MAML3: variants seen among roughly 807,000 people sequenced by gnomAD.
MAML3 encodes mastermind-like protein 3.
In MAML3, 27 loss-of-function variants were observed where a neutral mutation model predicts 101.9. The observed-to-expected ratio is 0.27, with a 90% CI of 0.20 to 0.37. The LOEUF is 0.37. Ranked by LOEUF, MAML3 falls within the 10% of genes least tolerant of loss-of-function variation. The pLI is 1.00. For synonymous variants in MAML3, 501 were observed against 555.9 expected, an observed-to-expected ratio of 0.90 and a Z score of 1.39; for missense variants, 1,316 against 1,444.9, an observed-to-expected ratio of 0.91 and a Z score of 1.45.
At position 139,889,483 on chromosome 4, in the gene MAML3, C is replaced by T. The variant is rs11100342; in HGVS notation, c.1953G>A (p.Pro651=). Residue 651 remains proline (P), a synonymous_variant, in exon 2 of 5, where the codon CCG becomes CCA. Transcript: ENST00000509479. ...TGGGGGCCTGGAGCTGTGGAGGTGG[C>T]GGCTGCTGCTGCTGCTGCTGCTGCT... is the stretch of plus-strand genomic sequence containing the variant. The part of the protein sequence containing the change: ...QQQQQQQQQQ[P]PPPQLQAPRA... The T allele has an allele frequency of 0.68, 1,089,584 of 1,612,608 alleles. 379,710 individuals carry two copies. Among genetic ancestry groups the T allele is most frequent in the Non-Finnish European group, 0.72 (843,896 of 1,178,962 alleles).
chr4:139,921,259 C>G (rs769650), intron 1 of MAML3, among the ~76,000 whole-genome samples: 98 of 152,290 alleles, frequency 6.4e-4, no homozygotes, highest in African/African-American at 2.2e-3. Flanking sequence ...TTAACTTCCA[C>G]GATTTTCCTT....
At chr4:139,955,638 C>A (rs1299615614) in intron 1 of MAML3, among the ~76,000 whole-genome samples, 1 of 152,168 alleles carries the variant, frequency 6.6e-6, no homozygotes, top group Non-Finnish European at 1.5e-5. Flanking sequence ...GGGTCCCATG[C>A]ATTACACAGT....
intron 2 of MAML3, among the ~76,000 whole-genome samples, chr4:139,842,271 G>A (rs1731375898): frequency 6.6e-6 from 1 of 152,210 alleles, no homozygotes; most frequent in Admixed American, 6.5e-5. Context: ...GAGTTTAAAA[G>A]GGAAGGTTGT....
chr4:140,008,842 G>A (rs542130963), intron 1 of MAML3, among the ~76,000 whole-genome samples: 2 of 152,322 alleles, frequency 1.3e-5, no homozygotes, highest in African/African-American at 4.8e-5. Flanking sequence ...TGACCTGGCA[G>A]CCTTTACAGG....
intron 1 of MAML3, among the ~76,000 whole-genome samples, chr4:139,966,158 T>A (rs899712457): frequency 6.6e-6 from 1 of 152,026 alleles, no homozygotes; most frequent in African/African-American, 2.4e-5. Context: ...CAAGAAAAAA[T>A]TGCTTCCAAT....
intron 2 of MAML3, among the ~76,000 whole-genome samples, chr4:139,794,996 G>A (rs1348326072): frequency 6.6e-6 from 1 of 152,154 alleles, no homozygotes; most frequent in Non-Finnish European, 1.5e-5. Context: ...TACCAATATA[G>A]TTATCTCTGC....
intron 2 of MAML3, among the ~76,000 whole-genome samples, chr4:139,862,540 G>T (rs536806380): frequency 6.6e-6 from 1 of 152,308 alleles, no homozygotes; most frequent in Non-Finnish European, 1.5e-5. Flanking sequence ...GTTGCCCTTT[G>T]TTTTTGTCAC....
At position 139,761,027 on chromosome 4, in the gene MAML3, C is replaced by T. The variant is rs561220665; in HGVS notation, c.2080-30360G>A. On this transcript the variant is annotated intron_variant, in intron 2 of 4. Coordinates refer to ENST00000509479, the MANE Select transcript of MAML3 (RefSeq NM_018717.5). Reference sequence around the variant, plus strand: ...AGGCTGGAGTACAATGGCGCAATCTCGGCTCACTGCAACCTCCACCTCCCG... The same window carrying T: ...AGGCTGGAGTACAATGGCGCAATCTTGGCTCACTGCAACCTCCACCTCCCG... Among the ~76,000 whole-genome samples the T allele has an allele frequency of 7.1e-4, 108 of 152,156 alleles. 1 individual carries two copies. The highest frequency in any genetic ancestry group is 2.3e-3 in the African/African-American group (94 of 41,516).
rs537887168 is a variant in MAML3, at chr4:140,142,658, C to G, written c.468+10202G>C. Among the ~76,000 whole-genome samples, 17 of 152,336 alleles carry G rather than the reference C, an allele frequency of 1.1e-4. No individual in the cohort carries two copies. In the South Asian group the frequency reaches 3.5e-3, roughly 32 times the overall value. Reference sequence around the variant, plus strand: ...CTAAATTTATCCCCTTGAGGCCATACAGAGCACATCTAATCCCTTCTTCAA... The same window carrying G: ...CTAAATTTATCCCCTTGAGGCCATAGAGAGCACATCTAATCCCTTCTTCAA... On this transcript the variant is annotated intron_variant, in intron 1 of 4. Coordinates refer to ENST00000509479, the MANE Select transcript of MAML3 (RefSeq NM_018717.5).
intron 1 of MAML3, among the ~76,000 whole-genome samples, chr4:140,104,395 T>TCA (rs1491536300): frequency 3.2e-5 from 1 of 31,080 alleles, no homozygotes; most frequent in Non-Finnish European, 9.0e-5. Flanking sequence ...ATATTATATA[T>TCA]TATATAATAT....
chr4:139,752,460 A>G (rs1225867014), intron 2 of MAML3, among the ~76,000 whole-genome samples: 1 of 152,086 alleles, frequency 6.6e-6, no homozygotes, highest in Non-Finnish European at 1.5e-5. Context: ...CTCTGTGCTC[A>G]CAACCCCACC....
At chr4:139,956,280 CATT>C (rs1372925435) in intron 1 of MAML3, among the ~76,000 whole-genome samples, 3 of 152,146 alleles carry the variant, frequency 2.0e-5, no homozygotes, top group South Asian at 4.1e-4. Flanking sequence ...AAAATACTAG[CATT>C]ATTGCTGTGG....
intron 2 of MAML3, among the ~76,000 whole-genome samples, chr4:139,852,904 G>T (rs1390320019): frequency 6.6e-6 from 1 of 152,104 alleles, no homozygotes; most frequent in Admixed American, 6.6e-5. Flanking sequence ...TTTACCAGTT[G>T]GGCAATCTTG....
intron 1 of MAML3, among the ~76,000 whole-genome samples, chr4:140,023,750 G>A (rs569369814): frequency 1.6e-4 from 24 of 152,244 alleles, no homozygotes; most frequent in African/African-American, 5.5e-4. Context: ...ACACTCTTAG[G>A]CCACATTCTA....
At chr4:139,781,497 C>T (rs527419692) in intron 2 of MAML3, among the ~76,000 whole-genome samples, 1 of 119,940 alleles carries the variant, frequency 8.3e-6, no homozygotes, top group Admixed American at 9.2e-5. Flanking sequence ...CTAATGATCG[C>T]AGAGCATTTT....
In MAML3 at chr4:140,118,184, G is replaced by A. The variant is rs547619211; in HGVS notation, c.468+34676C>T. ...GGTTTGTTTTTTTTTTTTCCCTACC[G>A]TGTTCAATCTTTTAAAAATTAATAG... On this transcript the variant is annotated intron_variant, in intron 1 of 4. Coordinates refer to ENST00000509479, the MANE Select transcript of MAML3 (RefSeq NM_018717.5). 2.1e-4 allele frequency among the ~76,000 whole-genome samples: 32 copies of A among 149,222 alleles called. No homozygotes were observed. The South Asian group carries it at 2.3e-3, about 11-fold the overall frequency.
intron 1 of MAML3, among the ~76,000 whole-genome samples, chr4:139,937,065 CAA>C (rs1006672037): frequency 6.6e-6 from 1 of 151,962 alleles, no homozygotes; most frequent in African/African-American, 2.4e-5. Flanking sequence ...TTTTGTTTTT[CAA>C]AAAAGAGAGG....
chr4:139,999,233 A>C (rs1734877705), intron 1 of MAML3, among the ~76,000 whole-genome samples: 1 of 152,180 alleles, frequency 6.6e-6, no homozygotes, highest in Non-Finnish European at 1.5e-5. Flanking sequence ...CCCAACCCAC[A>C]GCCACCAAGA....
chr4:139,764,880 G>A (rs975953748), intron 2 of MAML3, among the ~76,000 whole-genome samples: 2 of 152,226 alleles, frequency 1.3e-5, no homozygotes, highest in Non-Finnish European at 1.5e-5. Context: ...CGGCATCGCG[G>A]CCACACTCCT....
Sources: gnomAD v4.1 joint callset for allele counts (sites outside exome capture counted in the v4.1 genomes callset) on GRCh38, gnomAD v4.1.1 for gene constraint, MANE v1.5 for transcripts, NCBI Gene and HGNC (gene_info 2026-07-23, HGNC 2026-07-21) for gene names.